Variants in PIAS1 observed in about 807,000 individuals in gnomAD.
The protein encoded by PIAS1 is E3 SUMO-protein ligase PIAS1.
Under a neutral mutation model 71.3 loss-of-function variants are expected in PIAS1, and 6 were observed. The ratio of observed to expected loss-of-function variants is 0.08; its 90% confidence interval spans 0.05 to 0.17. The LOEUF is 0.17. Ranked by LOEUF, PIAS1 falls within the 10% of genes least tolerant of loss-of-function variation. The probability of loss-of-function intolerance (pLI) is 1.00; values close to 1 mark genes in which losing one functional copy is unlikely to be tolerated. For missense variants in PIAS1, 555 were observed against 793.6 expected (o/e 0.70, Z 3.61); for synonymous variants, 303 against 292.9 (o/e 1.03, Z -0.35).
intron 2 of PIAS1, among the ~76,000 whole-genome samples, chr15:68,092,073 G>T (rs1283119516): frequency 6.6e-6 from 1 of 152,008 alleles, no homozygotes; most frequent in Non-Finnish European, 1.5e-5. Flanking sequence ...AATATCTCAG[G>T]CAATATATCT....
At chr15:68,065,732 A>G (rs1020489429) in intron 1 of PIAS1, among the ~76,000 whole-genome samples, 1 of 142,052 alleles carries the variant, frequency 7.0e-6, no homozygotes. Context: ...ATGTGCTTGA[A>G]GTACTTTTTT....
At chr15:68,076,851 T>G (rs2092171370) in intron 1 of PIAS1, among the ~76,000 whole-genome samples, 1 of 152,148 alleles carries the variant, frequency 6.6e-6, no homozygotes, top group Non-Finnish European at 1.5e-5. Context: ...GAGATGAGTG[T>G]TTACCCTTGA....
chr15:68,168,543 TTG>T (rs1365077923), intron 8 of PIAS1, among the ~76,000 whole-genome samples: 1 of 152,152 alleles, frequency 6.6e-6, no homozygotes, highest in African/African-American at 2.4e-5. Context: ...CAAACATAAT[TTG>T]TGTCCTATAA....
At chr15:68,113,859 A>G (rs1049269447) in intron 2 of PIAS1, among the ~76,000 whole-genome samples, 2 of 152,082 alleles carry the variant, frequency 1.3e-5, no homozygotes, top group South Asian at 2.1e-4. Flanking sequence ...GTTTCTTAGT[A>G]TAGGTAATTT....
rs1197136578 is a variant in PIAS1, at chr15:68,187,726, T to C, written c.1847T>C (p.Val616Ala). 3 of 1,613,934 alleles carry C rather than the reference T, an allele frequency of 1.9e-6. No individual in the cohort carries two copies. The highest frequency in any genetic ancestry group is 2.5e-6 in the Non-Finnish European group (3 of 1,179,872). The change falls in exon 14 of 14, where the codon GTT becomes GCT. Residue 616 changes from valine (V) to alanine (A), a missense_variant. This residue lies in a region of PIAS1 where 244 missense variants were observed against 307.5 expected (regional missense o/e 0.79). Transcript: ENST00000249636. The surrounding 1 kb of genome is among the most constrained non-coding windows in gnomAD (Gnocchi z 5.3). Reference protein sequence around the residue: ...GSSSGSNSSLVSSNSLRESHS... With the variant: ...GSSSGSNSSLASSNSLRESHS... ...AGTAGTGGCAGTAACAGCAGCCTGG[T>C]TTCTTCCAACAGCCTAAGGGAAAGC...
chr15:68,054,375 C>T lies in PIAS1; in HGVS notation c.24+25C>T, dbSNP rs1235308460. Reference sequence around the variant, plus strand: ...GGTAAAGCGCAGCTCGAATTCACTTCTAATATTCGGCCGCGGAGACGGCGC... The same window carrying T: ...GGTAAAGCGCAGCTCGAATTCACTTTTAATATTCGGCCGCGGAGACGGCGC... On this transcript the variant is annotated intron_variant, in intron 1 of 13. Transcript: ENST00000249636. The surrounding 1 kb of genome is among the most constrained non-coding windows in gnomAD (Gnocchi z 4.6). 4.5e-6 allele frequency: 7 copies of T among 1,563,480 alleles called. No homozygotes were observed. Among genetic ancestry groups the T allele is most frequent in the East Asian group, 4.8e-5 (2 of 41,546 alleles).
chr15:68,156,474 C>T (rs2092890097), intron 7 of PIAS1, among the ~76,000 whole-genome samples: 1 of 148,810 alleles, frequency 6.7e-6, no homozygotes, highest in South Asian at 2.3e-4. Flanking sequence ...AAGGCCGAGG[C>T]GGGTAGATCA....
intron 2 of PIAS1, among the ~76,000 whole-genome samples, chr15:68,108,316 C>T (rs2130275): frequency 0.48 from 73,632 of 151,828 alleles, 18,607 homozygotes; most frequent in Middle Eastern, 0.56. Flanking sequence ...GATCTGTTCT[C>T]AGTCTCCAGG....
chr15:68,099,117 G>A (rs1432441112), intron 2 of PIAS1, among the ~76,000 whole-genome samples: 2 of 151,880 alleles, frequency 1.3e-5, no homozygotes, highest in South Asian at 2.1e-4. Context: ...TTCTCTTATG[G>A]GTGAGGGTGA....
chr15:68,094,514 G>C lies in PIAS1; in HGVS notation c.469+7764G>C, dbSNP rs550194406. 2.0e-5 allele frequency among the ~76,000 whole-genome samples: 3 copies of C among 152,042 alleles called. No homozygotes were observed. The South Asian group carries it at 6.2e-4, about 32-fold the overall frequency. On this transcript the variant is annotated intron_variant, in intron 2 of 13. Coordinates refer to ENST00000249636, the MANE Select transcript of PIAS1 (RefSeq NM_016166.3). Reference sequence around the variant, plus strand: ...GTTTCTGCTACATCTTAATAACATTGGTTACCAGTGTTTTCTGCCAAGGGC... The same window carrying C: ...GTTTCTGCTACATCTTAATAACATTCGTTACCAGTGTTTTCTGCCAAGGGC...
intron 2 of PIAS1, among the ~76,000 whole-genome samples, chr15:68,101,419 T>C (rs922144797): frequency 1.6e-4 from 25 of 151,946 alleles, no homozygotes; most frequent in African/African-American, 5.6e-4. Flanking sequence ...GGTTTGCAGA[T>C]CTTTTCTCCT....
At chr15:68,055,827 A>G (rs986642683) in intron 1 of PIAS1, 4 of 672,392 alleles carry the variant, frequency 5.9e-6, no homozygotes, top group South Asian at 4.9e-5. Context: ...TTGATTCTGT[A>G]GAGTTTTTCC....
At chr15:68,181,120 C>CG in intron 11 of PIAS1, 92 bp from the exon 12 acceptor site, 1 of 1,026,494 alleles carries the variant, frequency 9.7e-7, no homozygotes, top group Non-Finnish European at 1.5e-6. Context: ...AGCACTAAAC[C>CG]GAGGGTTCAT....
chr15:68,061,587 T>C (rs946663361), intron 1 of PIAS1: 1 of 152,356 alleles, frequency 6.6e-6, no homozygotes, highest in Non-Finnish European at 1.5e-5. Context: ...GATGGAGATA[T>C]CAGTAACTCT....
At chr15:68,152,845 C>T (rs1395668543) in intron 6 of PIAS1, among the ~76,000 whole-genome samples, 1 of 151,860 alleles carries the variant, frequency 6.6e-6, no homozygotes, top group Non-Finnish European at 1.5e-5. Flanking sequence ...AACCATGTAC[C>T]CTTCACTTAG....
At chr15:68,144,990 A>C (rs1017499911) in intron 4 of PIAS1, among the ~76,000 whole-genome samples, 5 of 152,080 alleles carry the variant, frequency 3.3e-5, no homozygotes, top group Admixed American at 6.6e-5. Flanking sequence ...CTACTATGTA[A>C]CTCAGGGGTG....
At chr15:68,141,080 A>G (rs200496754) in intron 2 of PIAS1, among the ~76,000 whole-genome samples, 8 of 152,234 alleles carry the variant, frequency 5.3e-5, no homozygotes, top group East Asian at 1.9e-4. Flanking sequence ...ATGCATGCCT[A>G]TAGTCCTACC....
chr15:68,054,555 C>G lies in PIAS1; in HGVS notation c.24+205C>G. The G allele has an allele frequency of 4.4e-6, 2 of 454,126 alleles. No homozygotes were observed. Among genetic ancestry groups the G allele is most frequent in the Non-Finnish European group, 7.8e-6 (2 of 255,806 alleles). The allele number at this position is 454,126 out of a possible 1,614,324, so 28.1% of individuals were successfully genotyped here. A position where few individuals can be genotyped will look rare whatever the true frequency, so the allele number is the denominator to read the frequency against. On this transcript the variant is annotated intron_variant, in intron 1 of 13. Coordinates refer to ENST00000249636, the MANE Select transcript of PIAS1 (RefSeq NM_016166.3). The surrounding 1 kb of genome is among the most constrained non-coding windows in gnomAD (Gnocchi z 4.6). Reference sequence around the variant, plus strand: ...GCCCCGGGTGCCTCGGGGGCGCTGACGGGTCGTCCCCGGCGTGTTATTGTT... The same window carrying G: ...GCCCCGGGTGCCTCGGGGGCGCTGAGGGGTCGTCCCCGGCGTGTTATTGTT...
intron 2 of PIAS1, among the ~76,000 whole-genome samples, chr15:68,111,652 A>G (rs189340584): frequency 1.4e-4 from 22 of 152,328 alleles, no homozygotes; most frequent in Admixed American, 1.4e-3. Context: ...TTGCGTTGAA[A>G]TAAATGCATA....
Sources: gnomAD v4.1 joint callset for allele counts (sites outside exome capture counted in the v4.1 genomes callset) on GRCh38, gnomAD v4.1.1 for gene constraint, gnomAD v4.1.1 regional missense constraint, Gnocchi (gnomAD v3.1) non-coding constraint, MANE v1.5 for transcripts, NCBI Gene and HGNC (gene_info 2026-07-23, HGNC 2026-07-21) for gene names.